Variants in MSN observed in about 807,000 individuals in gnomAD.
The protein encoded by MSN is moesin.
In MSN, 2 loss-of-function variants were observed where a neutral mutation model predicts 48.0. The observed-to-expected ratio is 0.04, with a 90% CI of 0.02 to 0.13. The LOEUF (loss-of-function observed/expected upper bound fraction) is 0.13, where lower values mean the gene tolerates loss of function less well. MSN is among the 10% of genes least tolerant of loss of function. MSN has a pLI of 1.00. For missense variants in MSN, 267 were observed against 470.1 expected (o/e 0.57, Z 3.99); for synonymous variants, 146 against 166.9 (o/e 0.87, Z 0.97).
chrX:65,727,808 T>C lies in MSN; in HGVS notation c.97-6T>C. On this transcript the variant is annotated splice_region_variant and splice_polypyrimidine_tract_variant and intron_variant, in intron 2 of 12. Transcript: ENST00000360270. ...AATGGTTGGTTGTTTTGGTTTTCTC[T>C]TCTAGGTGGTGAAAACTATTGGCTT... 1 of 1,204,938 alleles carries C rather than the reference T, an allele frequency of 8.3e-7. No individual in the cohort carries two copies. The highest frequency in any genetic ancestry group is 1.1e-6 in the Non-Finnish European group (1 of 889,237).
intron 1 of MSN, among the ~76,000 whole-genome samples, chrX:65,708,031 A>T (rs1348046344): frequency 9.2e-6 from 1 of 109,021 alleles, no homozygotes; most frequent in Non-Finnish European, 1.9e-5. Flanking sequence ...TTTTTTTTTT[A>T]AATAGAGATG....
chrX:65,694,747 C>T (rs964031377), intron 1 of MSN, among the ~76,000 whole-genome samples: 3 of 111,916 alleles, frequency 2.7e-5, no homozygotes, highest in Non-Finnish European at 5.6e-5. Context: ...TTGGAGGGAA[C>T]GGTTGTCTGA....
At chrX:65,676,634 G>C (rs1183639707) in intron 1 of MSN, among the ~76,000 whole-genome samples, 2 of 111,334 alleles carry the variant, frequency 1.8e-5, no homozygotes, top group Non-Finnish European at 3.8e-5. Context: ...CCAAGGCCTA[G>C]GAGGGGGAAC....
intron 1 of MSN, among the ~76,000 whole-genome samples, chrX:65,675,992 A>G (rs1224761896): frequency 1.8e-5 from 2 of 112,800 alleles, no homozygotes; most frequent in East Asian, 5.5e-4. Context: ...GGTATGTGAG[A>G]GGGTCTTTTC....
intron 7 of MSN, among the ~76,000 whole-genome samples, chrX:65,733,622 C>A (rs1461608529): frequency 1.8e-5 from 2 of 112,207 alleles, no homozygotes; most frequent in Non-Finnish European, 3.8e-5. Flanking sequence ...TATTTCCAAG[C>A]CCCTGGGTCC....
intron 9 of MSN, 22 bp downstream of exon 9, chrX:65,736,947 G>A (rs1229629596): frequency 1.2e-5 from 14 of 1,206,385 alleles, no homozygotes; most frequent in Non-Finnish European, 1.6e-5. Context: ...AGTCACCTTG[G>A]AGATTGGATT....
In MSN at chrX:65,588,594, G is replaced by C. The variant is rs1039791203; in HGVS notation, c.-40G>C. 6 of 799,571 alleles carry C rather than the reference G, an allele frequency of 7.5e-6. No individual in the cohort carries two copies. The African/African-American group carries it at 8.8e-5, about 12-fold the overall frequency. The allele number at this position is 799,571 out of a possible 1,213,427, so 65.9% of individuals were successfully genotyped here. A position where few individuals can be genotyped will look rare whatever the true frequency, so the allele number is the denominator to read the frequency against. ...AGTCCCTTAACTGCCAGTGTTCGTG[G>C]ACCATGCAAAACAACCAAGTGAGTG... On this transcript the variant is annotated 5_prime_UTR_variant, in exon 1 of 4. Coordinates refer to the MSN transcript ENST00000609672.
chrX:65,654,749 G>A (rs1185511786), intron 1 of MSN, among the ~76,000 whole-genome samples: 1 of 111,615 alleles, frequency 9.0e-6, no homozygotes, highest in Non-Finnish European at 1.9e-5. Flanking sequence ...GCCAGTAGGA[G>A]TTTTTGGGTT....
chrX:65,609,855 C>T (rs1422105492), intron 1 of MSN, among the ~76,000 whole-genome samples: 4 of 110,133 alleles, frequency 3.6e-5, no homozygotes. Flanking sequence ...TGCATTCCAG[C>T]CTGGGTGACA....
rs1159993472 is a variant in MSN, at chrX:65,732,124, C to A, written c.698+140C>A. The A allele has an allele frequency of 4.7e-6, 3 of 637,101 alleles. No homozygotes were observed. The East Asian group carries it at 1.1e-4, about 23-fold the overall frequency. The allele number at this position is 637,101 out of a possible 1,213,427, so 52.5% of individuals were successfully genotyped here. A position where few individuals can be genotyped will look rare whatever the true frequency, so the allele number is the denominator to read the frequency against. On this transcript the variant is annotated intron_variant, in intron 6 of 12. Transcript: ENST00000360270. ...ATTTAGTCCAGCCCAGATGATTTCA[C>A]AACTTCCCTTAGTCAATACTAAATC...
At position 65,694,480 on chromosome X, in the gene MSN, C is replaced by T. The variant is rs978496097; in HGVS notation, c.13-22338C>T. Reference sequence around the variant, plus strand: ...AGGAGCTGGGACTAGAGGCATGCACCACCACGCCCGGCTAATTTTTGTATT... The same window carrying T: ...AGGAGCTGGGACTAGAGGCATGCACTACCACGCCCGGCTAATTTTTGTATT... On this transcript the variant is annotated intron_variant, in intron 1 of 12. Coordinates refer to ENST00000360270, the MANE Select transcript of MSN (RefSeq NM_002444.3). Among the ~76,000 whole-genome samples, 3 of 110,414 alleles carry T rather than the reference C, an allele frequency of 2.7e-5. 1 individual carries two copies. The highest frequency in any genetic ancestry group is 5.7e-5 in the Non-Finnish European group (3 of 52,799).
intron 1 of MSN, among the ~76,000 whole-genome samples, chrX:65,649,247 T>A (rs1344800345): frequency 6.4e-5 from 6 of 93,037 alleles, no homozygotes; most frequent in African/African-American, 3.1e-4. Context: ...TTAAAAAAAT[T>A]TATATATATA....
rs749209130 is a variant in MSN at position 65,658,632 on chromosome X, GTAT to G, written c.-21-58184_-21-58182del. On this transcript the variant is annotated intron_variant, in intron 1 of 3. Coordinates refer to the MSN transcript ENST00000609672. ...CTGTTCTCCAACCAGTTTGTCCCTG[GTAT>G]TGCCTCCTCTGCACTGCACTGCATC... 1.3e-4 allele frequency among the ~76,000 whole-genome samples: 14 copies of G among 110,972 alleles called. No homozygotes were observed. The South Asian group carries it at 4.9e-3, about 39-fold the overall frequency.
chrX:65,612,591 C>G (rs770689301), intron 1 of MSN, among the ~76,000 whole-genome samples: 1 of 108,014 alleles, frequency 9.3e-6, no homozygotes, highest in Non-Finnish European at 1.9e-5. Flanking sequence ...AGCAGGGTCT[C>G]GCTCTGTCAC....
chrX:65,684,088 C>T (rs181505441), intron 1 of MSN, among the ~76,000 whole-genome samples: 1 of 109,252 alleles, frequency 9.2e-6, no homozygotes, highest in African/African-American at 3.3e-5. Flanking sequence ...TTATAGGTGC[C>T]TGCCACCATG....
chrX:65,647,148 A>G (rs753710495), intron 1 of MSN, among the ~76,000 whole-genome samples: 1 of 110,536 alleles, frequency 9.0e-6, no homozygotes, highest in South Asian at 3.8e-4. Context: ...AAATAATTGT[A>G]TATTTGCAAA....
intron 1 of MSN, among the ~76,000 whole-genome samples, chrX:65,614,673 T>G (rs1299186660): frequency 9.4e-6 from 1 of 106,189 alleles, no homozygotes; most frequent in Non-Finnish European, 1.9e-5. Flanking sequence ...CTCTGTTTTT[T>G]TTTTTCTTTT....
At chrX:65,680,618 A>C (rs1323973561) in intron 1 of MSN, among the ~76,000 whole-genome samples, 1 of 110,651 alleles carries the variant, frequency 9.0e-6, no homozygotes, top group Non-Finnish European at 1.9e-5. Context: ...TCCTCTCCCA[A>C]CTCAGCTCCC....
chrX:65,697,629 T>C (rs1027194954), intron 1 of MSN, among the ~76,000 whole-genome samples: 5 of 112,095 alleles, frequency 4.5e-5, no homozygotes, highest in African/African-American at 1.6e-4. Context: ...TTAGCAGAAA[T>C]ACCAATGCTG....
Sources: gnomAD v4.1 joint callset for allele counts (sites outside exome capture counted in the v4.1 genomes callset) on GRCh38, gnomAD v4.1.1 for gene constraint, MANE v1.5 for transcripts, NCBI Gene and HGNC (gene_info 2026-07-23, HGNC 2026-07-21) for gene names.